Variants in CHRDL1 observed in about 807,000 individuals in gnomAD.
CHRDL1 encodes chordin like 1, also known as chordin-like protein 1.
Under a neutral mutation model 40.9 loss-of-function variants are expected in CHRDL1, and 19 were observed. That is an observed-to-expected ratio of 0.46 (90% CI 0.32 to 0.68). The LOEUF (loss-of-function observed/expected upper bound fraction) is 0.68. Ranked by LOEUF, CHRDL1 falls within the 30% of genes least tolerant of loss-of-function variation. The pLI is 0.03. For missense variants in CHRDL1, 329 were observed against 352.1 expected (o/e 0.93, Z 0.53); for synonymous variants, 136 against 123.4 (o/e 1.10, Z -0.68).
At chrX:110,743,895 G>C (rs764430140) in intron 4 of CHRDL1, among the ~76,000 whole-genome samples, 16 of 111,184 alleles carry the variant, frequency 1.4e-4, no homozygotes, top group African/African-American at 5.2e-4. Flanking sequence ...GGTGAGGCGG[G>C]TAGGCAGACT....
In CHRDL1 at chrX:110,776,168, A is replaced by T. The variant is rs1277058888; in HGVS notation, c.95-13361T>A. Among the ~76,000 whole-genome samples the T allele has an allele frequency of 2.7e-5, 3 of 112,088 alleles. No individual in the cohort carries two copies. The Admixed American group carries it at 2.8e-4, about 11-fold the overall frequency. On this transcript the variant is annotated intron_variant, in intron 2 of 11. Coordinates refer to ENST00000372042, the MANE Select transcript of CHRDL1 (RefSeq NM_001143981.2). ...AAAAGAAAAATATTTTACTTCACTT[A>T]TTATTTTGCTAATGTTCTTCCTTTC...
chrX:110,780,642 G>C (rs960650718), intron 2 of CHRDL1, among the ~76,000 whole-genome samples: 2 of 111,206 alleles, frequency 1.8e-5, no homozygotes, highest in Non-Finnish European at 3.8e-5. Context: ...CAAATGTTTT[G>C]AGTACTTTCA....
chrX:110,751,868 C>T (rs759689401), intron 4 of CHRDL1, among the ~76,000 whole-genome samples: 8 of 111,698 alleles, frequency 7.2e-5, no homozygotes, highest in African/African-American at 2.6e-4. Context: ...ATGGAATCAA[C>T]GTAAGTTTCC....
chrX:110,689,416 ATATATATC>A lies in CHRDL1; in HGVS notation c.779-621_779-614del, dbSNP rs1407298834. 1.8e-3 allele frequency among the ~76,000 whole-genome samples: 64 copies of A among 36,046 alleles called. 6 individuals carry two copies. The highest frequency in any genetic ancestry group is 9.8e-3 in the South Asian group (15 of 1,530). The allele number at this position is 36,046 out of a possible 115,157, so 31.3% of individuals were successfully genotyped here. ...CCAGCCTATATATATCTATATATCT[ATATATATC>A]TATATATCTATATATCTATATATAT... is the stretch of plus-strand genomic sequence containing the variant. On this transcript the variant is annotated intron_variant, in intron 8 of 11. Transcript: ENST00000372042.
chrX:110,790,638 T>C (rs2090083801), intron 2 of CHRDL1, among the ~76,000 whole-genome samples: 2 of 110,062 alleles, frequency 1.8e-5, no homozygotes, highest in South Asian at 7.9e-4. Flanking sequence ...GGACTTTAAG[T>C]GTAACCATCA....
chrX:110,791,487 C>G (rs2090099494), intron 2 of CHRDL1, among the ~76,000 whole-genome samples: 1 of 111,689 alleles, frequency 9.0e-6, no homozygotes, highest in Non-Finnish European at 1.9e-5. Context: ...GCCCATTACA[C>G]GGATCGCTGA....
rs370312716 is a variant in CHRDL1, at chrX:110,704,547, T to A, written c.542-3826A>T. ...GCAATAACACACAAGAAGGATTGAA[T>A]GAGACTCCTACAGATGAAAAGAAAC... On this transcript the variant is annotated intron_variant, in intron 6 of 11. Transcript: ENST00000372042. Among the ~76,000 whole-genome samples, 217 of 111,160 alleles carry A rather than the reference T, an allele frequency of 2.0e-3. 2 individuals are homozygous for A. Among genetic ancestry groups the A allele is most frequent in the African/African-American group, 6.7e-3 (204 of 30,620 alleles).
chrX:110,685,589 T>C (rs2069992680), intron 9 of CHRDL1, among the ~76,000 whole-genome samples: 1 of 111,827 alleles, frequency 8.9e-6, no homozygotes, highest in African/African-American at 3.3e-5. Context: ...ACACAAAAAG[T>C]TGGATCATAA....
At chrX:110,704,050 C>T (rs999306219) in intron 6 of CHRDL1, among the ~76,000 whole-genome samples, 5 of 111,381 alleles carry the variant, frequency 4.5e-5, no homozygotes, top group Non-Finnish European at 9.4e-5. Context: ...AAATAATGTG[C>T]TACTATTTGA....
chrX:110,694,065 T>C, intron 8 of CHRDL1, 98 bp downstream of exon 8: 1 of 667,207 alleles, frequency 1.5e-6, no homozygotes, highest in Non-Finnish European at 2.3e-6. Flanking sequence ...ATATGGGCTA[T>C]TCCTGGGAGA....
At chrX:110,734,387 C>T (rs779411960) in intron 4 of CHRDL1, among the ~76,000 whole-genome samples, 8 of 112,148 alleles carry the variant, frequency 7.1e-5, no homozygotes, top group Non-Finnish European at 1.5e-4. Context: ...ATCCAGTCTT[C>T]AGAGGCAACC....
chrX:110,761,738 T>C (rs764561222), intron 3 of CHRDL1, among the ~76,000 whole-genome samples: 1 of 112,435 alleles, frequency 8.9e-6, no homozygotes, highest in Non-Finnish European at 1.9e-5. Flanking sequence ...GCCTAACATA[T>C]AATGGCAGAG....
intron 7 of CHRDL1, 70 bp downstream of exon 7, chrX:110,700,584 T>C (rs1432447319): frequency 2.5e-5 from 18 of 723,661 alleles, no homozygotes; most frequent in Non-Finnish European, 3.7e-5. Flanking sequence ...GCTAGAATAG[T>C]AGCCACGAGG....
chrX:110,727,890 G>T (rs932547030), intron 4 of CHRDL1, among the ~76,000 whole-genome samples: 3 of 111,579 alleles, frequency 2.7e-5, no homozygotes, highest in Non-Finnish European at 3.8e-5. Flanking sequence ...ATTATTCATT[G>T]CAGCATTGTT....
intron 4 of CHRDL1, among the ~76,000 whole-genome samples, chrX:110,743,572 T>A (rs1221771226): frequency 8.9e-6 from 1 of 112,112 alleles, no homozygotes; most frequent in Non-Finnish European, 1.9e-5. Context: ...GTTTGATTGA[T>A]CAATGAGAGT....
At chrX:110,735,682 C>A (rs1333388272) in intron 4 of CHRDL1, among the ~76,000 whole-genome samples, 1 of 112,250 alleles carries the variant, frequency 8.9e-6, no homozygotes, top group Non-Finnish European at 1.9e-5. Context: ...ATAACCAGAA[C>A]CACTTGCAAC....
chrX:110,742,961 A>G (rs781039225), intron 4 of CHRDL1, among the ~76,000 whole-genome samples: 2 of 112,126 alleles, frequency 1.8e-5, no homozygotes, highest in Non-Finnish European at 3.8e-5. Context: ...TCACTGCCGC[A>G]CAGAAGTATC....
intron 4 of CHRDL1, among the ~76,000 whole-genome samples, chrX:110,735,796 T>C (rs765978657): frequency 5.4e-5 from 6 of 111,979 alleles, no homozygotes; most frequent in Non-Finnish European, 9.4e-5. Context: ...ATTTAAGTAG[T>C]GAAATGATTT....
intron 7 of CHRDL1, among the ~76,000 whole-genome samples, chrX:110,697,109 T>C (rs1207047133): frequency 9.0e-6 from 1 of 111,237 alleles, no homozygotes; most frequent in East Asian, 2.8e-4. Context: ...GAAATGACCA[T>C]ATAGCTATGA....
Sources: gnomAD v4.1 joint callset for allele counts (sites outside exome capture counted in the v4.1 genomes callset) on GRCh38, gnomAD v4.1.1 for gene constraint, MANE v1.5 for transcripts, NCBI Gene and HGNC (gene_info 2026-07-23, HGNC 2026-07-21) for gene names.